CACNA2D1: variants seen among roughly 807,000 people sequenced by gnomAD.
The protein encoded by CACNA2D1 is voltage-dependent calcium channel subunit alpha-2/delta-1.
Under a neutral mutation model 171.5 loss-of-function variants are expected in CACNA2D1, and 53 were observed. The observed-to-expected ratio is 0.31, with a 90% CI of 0.25 to 0.39. The LOEUF (loss-of-function observed/expected upper bound fraction) is 0.39, where lower values mean the gene tolerates loss of function less well. CACNA2D1 is among the 10% of genes least tolerant of loss of function. CACNA2D1 has a pLI of 1.00. For missense variants in CACNA2D1, 903 were observed against 1,299.8 expected (o/e 0.69, Z 4.69); for synonymous variants, 442 against 443.1 (o/e 1.00, Z 0.03).
intron 5 of CACNA2D1, among the ~76,000 whole-genome samples, chr7:82,120,874 C>CAAAAAAAA (rs749679830): frequency 1.8e-4 from 19 of 104,588 alleles, no homozygotes; most frequent in African/African-American, 6.8e-4. Context: ...GACTCTATCT[C>CAAAAAAAA]AAAAAAAAAA....
In CACNA2D1 at chr7:82,044,523, A is replaced by G. The variant is rs575192473; in HGVS notation, c.880-6288T>C. 4.6e-5 allele frequency among the ~76,000 whole-genome samples: 7 copies of G among 152,338 alleles called. No individual in the cohort carries two copies. In the South Asian group the frequency reaches 1.4e-3, roughly 32 times the overall value. Reference sequence around the variant, plus strand: ...GGAAAAGGATTTTTTAAATTAAAATAATATTAGTACACTTATTTACACAAG... The same window carrying G: ...GGAAAAGGATTTTTTAAATTAAAATGATATTAGTACACTTATTTACACAAG... On this transcript the variant is annotated intron_variant, in intron 10 of 38. Coordinates refer to ENST00000356860, the MANE Select transcript of CACNA2D1 (RefSeq NM_000722.4).
chr7:82,014,559 A>T (rs757908160), intron 12 of CACNA2D1, 80 bp from the exon 13 acceptor site: 4 of 800,504 alleles, frequency 5.0e-6, no homozygotes. Flanking sequence ...TAAAATTTCT[A>T]TTGAAAAGAG....
intron 3 of CACNA2D1, among the ~76,000 whole-genome samples, chr7:82,296,681 T>A (rs1585383607): frequency 6.6e-6 from 1 of 152,146 alleles, no homozygotes; most frequent in African/African-American, 2.4e-5. Flanking sequence ...AATCATTCTC[T>A]CCTATGTATT....
At chr7:82,351,415 A>T (rs1426417173) in intron 1 of CACNA2D1, among the ~76,000 whole-genome samples, 3 of 152,016 alleles carry the variant, frequency 2.0e-5, no homozygotes, top group Non-Finnish European at 4.4e-5. Context: ...AAAAATGGAA[A>T]GCCAGTTATA....
At chr7:82,303,443 G>A (rs1268247217) in intron 3 of CACNA2D1, among the ~76,000 whole-genome samples, 6 of 143,490 alleles carry the variant, frequency 4.2e-5, no homozygotes, top group Non-Finnish European at 9.1e-5. Context: ...TCTAAACTGT[G>A]TATGTAACTA....
intron 3 of CACNA2D1, among the ~76,000 whole-genome samples, chr7:82,220,016 T>G (rs6955175): frequency 0.085 from 12,888 of 152,124 alleles, 734 homozygotes; most frequent in Non-Finnish European, 0.11. Context: ...CCATTAAAAA[T>G]AGAAAGTATA....
At chr7:82,418,300 T>C (rs962791970) in intron 1 of CACNA2D1, among the ~76,000 whole-genome samples, 2 of 152,092 alleles carry the variant, frequency 1.3e-5, no homozygotes, top group African/African-American at 4.8e-5. Context: ...CCACAACACA[T>C]GGGGATTATG....
chr7:82,294,433 T>C (rs1010911985), intron 3 of CACNA2D1, among the ~76,000 whole-genome samples: 4 of 150,096 alleles, frequency 2.7e-5, no homozygotes, highest in Non-Finnish European at 5.9e-5. Context: ...TATGGTGACA[T>C]GACTCATCAT....
chr7:82,102,833 T>G (rs191146396), intron 6 of CACNA2D1, among the ~76,000 whole-genome samples: 13 of 152,250 alleles, frequency 8.5e-5, no homozygotes, highest in Admixed American at 7.9e-4. Context: ...GGGTGCATAA[T>G]CCTATGTGTT....
rs907962439 is a variant in CACNA2D1, at chr7:82,337,839, C to G, written c.178-2588G>C. ...CTTTAGTTTCCCTAAAGTTGAAGTT[C>G]TCCTGCTGCCACCCTGACATAAGTC... On this transcript the variant is annotated intron_variant, in intron 2 of 38. Coordinates refer to ENST00000356860, the MANE Select transcript of CACNA2D1 (RefSeq NM_000722.4). Among the ~76,000 whole-genome samples, 5 of 152,238 alleles carry G rather than the reference C, an allele frequency of 3.3e-5. No homozygotes were observed. The South Asian group carries it at 1.0e-3, about 32-fold the overall frequency.
At chr7:82,300,862 C>T (rs1476231186) in intron 3 of CACNA2D1, among the ~76,000 whole-genome samples, 1 of 152,054 alleles carries the variant, frequency 6.6e-6, no homozygotes, top group African/African-American at 2.4e-5. Flanking sequence ...GATATAGTCT[C>T]ATTTTTCAAA....
intron 3 of CACNA2D1, among the ~76,000 whole-genome samples, chr7:82,253,195 A>T (rs1401500629): frequency 6.6e-6 from 1 of 152,234 alleles, no homozygotes; most frequent in Non-Finnish European, 1.5e-5. Flanking sequence ...AGAAACCATT[A>T]CAGAATTTGG....
intron 3 of CACNA2D1, among the ~76,000 whole-genome samples, chr7:82,206,559 A>G (rs1306614010): frequency 6.6e-6 from 1 of 152,154 alleles, no homozygotes. Flanking sequence ...TATTAAAAAT[A>G]TGCCATAAAA....
chr7:82,413,030 T>C (rs148076144), intron 1 of CACNA2D1, among the ~76,000 whole-genome samples: 1 of 152,266 alleles, frequency 6.6e-6, no homozygotes, highest in East Asian at 1.9e-4. Context: ...AATAATTTAA[T>C]CTTAAAAATT....
intron 3 of CACNA2D1, among the ~76,000 whole-genome samples, chr7:82,305,769 T>C (rs970133346): frequency 3.9e-5 from 6 of 152,014 alleles, no homozygotes; most frequent in African/African-American, 1.4e-4. Flanking sequence ...TCAGTTGATT[T>C]TCATCATATC....
chr7:81,997,183 A>G lies in CACNA2D1; in HGVS notation c.1658T>C (p.Val553Ala). The G allele has an allele frequency of 6.3e-7, 1 of 1,586,440 alleles. No homozygotes were observed. ...AGTCTTACTGATTCCACTCACCTCC[A>G]CTTTAATATCATTCTCTAACTCTGC... ...LDAELENDIK[V>A]EIRNKMIDGE... The change falls in exon 19 of 39, where the codon GTG (valine) becomes GCG (alanine). Residue 553 changes from valine (V) to alanine (A), a missense_variant. Val to Ala is a moderately conservative substitution (Grantham distance 64). Around this residue, in one of 5 missense-constraint regions of CACNA2D1, gnomAD observed 623 missense variants for 925.5 expected, o/e 0.67. Transcript: ENST00000356860.
At chr7:82,085,907 A>C (rs1471693994) in intron 6 of CACNA2D1, among the ~76,000 whole-genome samples, 1 of 152,192 alleles carries the variant, frequency 6.6e-6, no homozygotes, top group Non-Finnish European at 1.5e-5. Context: ...CATAATTTAT[A>C]ACTGACCCTT....
chr7:82,193,866 C>T (rs138042758), intron 3 of CACNA2D1, among the ~76,000 whole-genome samples: 2 of 152,060 alleles, frequency 1.3e-5, no homozygotes, highest in East Asian at 1.9e-4. Flanking sequence ...AACGTATTTA[C>T]TTACAAATAA....
rs74433628 is a variant in CACNA2D1 at position 82,075,693 on chromosome 7, A to G, written c.658+9076T>C. On this transcript the variant is annotated intron_variant, in intron 7 of 38. Coordinates refer to ENST00000356860, the MANE Select transcript of CACNA2D1 (RefSeq NM_000722.4). ...AATCTTAGATGATGGTGATAGTGATAGATTTCTTTAAAAGTTTATATTTAG... is the reference window on the plus strand; with the variant it reads ...AATCTTAGATGATGGTGATAGTGATGGATTTCTTTAAAAGTTTATATTTAG... Among the ~76,000 whole-genome samples the G allele has an allele frequency of 5.5e-3, 833 of 152,248 alleles. 6 individuals are homozygous for G. The highest frequency in any genetic ancestry group is 0.019 in the African/African-American group (803 of 41,474).
Sources: gnomAD v4.1 joint callset for allele counts (sites outside exome capture counted in the v4.1 genomes callset) on GRCh38, gnomAD v4.1.1 for gene constraint, gnomAD v4.1.1 regional missense constraint, MANE v1.5 for transcripts, NCBI Gene and HGNC (gene_info 2026-07-23, HGNC 2026-07-21) for gene names.